The following WDR76 variants were observed in gnomAD, a reference collection of about 807,000 sequenced individuals.
WDR76 encodes the protein WD repeat-containing protein 76.
Under a neutral mutation model 70.2 loss-of-function variants are expected in WDR76, and 52 were observed. The ratio of observed to expected loss-of-function variants is 0.74; its 90% CI spans 0.59 to 0.93. WDR76 has a LOEUF of 0.93. Among genes scored for constraint, WDR76 ranks in the 40% least tolerant of loss-of-function variants. The probability of loss-of-function intolerance (pLI) is 0.00; values close to 1 mark genes in which losing one functional copy is unlikely to be tolerated. For missense variants in WDR76, 756 were observed against 760.2 expected (o/e 0.99, Z 0.07); for synonymous variants, 292 against 271.1 (o/e 1.08, Z -0.76).
intron 7 of WDR76, among the ~76,000 whole-genome samples, chr15:43,842,943 G>A (rs575784461): frequency 6.6e-6 from 1 of 150,832 alleles, no homozygotes; most frequent in Admixed American, 6.6e-5. Flanking sequence ...GAATAAATGA[G>A]TGAATCCACA....
In WDR76 at chr15:43,866,136, C is replaced by CT; in HGVS notation, c.1628dup (p.Thr544HisfsTer15). On this transcript the variant is annotated frameshift_variant, in exon 13 of 13. Coordinates refer to ENST00000263795, the MANE Select transcript of WDR76 (RefSeq NM_024908.4). LOFTEE classifies it high-confidence loss of function. ...ATTGTTTTCCTCACTAGGCACAACA[C>CT]TTTCACTGGGCGATGGCTGACCAGG... 1 of 1,614,158 alleles carries CT rather than the reference C, an allele frequency of 6.2e-7. No homozygotes were observed. Among genetic ancestry groups the CT allele is most frequent in the South Asian group, 1.1e-5 (1 of 91,080 alleles).
At chr15:43,846,921 CTGAGGCAGGAGATTTGCT>C (rs2087796114) in intron 8 of WDR76, among the ~76,000 whole-genome samples, 1 of 148,826 alleles carries the variant, frequency 6.7e-6, no homozygotes, top group South Asian at 2.1e-4. Context: ...ACTTGGGAGG[CTGAGGCAGGAGATTTGCT>C]TGAACACAGG....
chr15:43,862,284 T>TG (rs1438440122), intron 12 of WDR76, among the ~76,000 whole-genome samples: 1 of 146,022 alleles, frequency 6.8e-6, no homozygotes, highest in East Asian at 2.0e-4. Context: ...TTCTTTTTTT[T>TG]TTTTTTTTTT....
At chr15:43,827,778 C>T (rs1166850523) in intron 1 of WDR76, among the ~76,000 whole-genome samples, 187 bp from the exon 2 acceptor site, 3 of 152,166 alleles carry the variant, frequency 2.0e-5, no homozygotes, top group Non-Finnish European at 4.4e-5. Context: ...ATCTCCTGAC[C>T]TCGCGATCTG....
At chr15:43,829,795 C>T (rs890505038) in intron 2 of WDR76, among the ~76,000 whole-genome samples, 3 of 151,888 alleles carry the variant, frequency 2.0e-5, no homozygotes, top group African/African-American at 4.8e-5. Context: ...CGTGAGCCAC[C>T]GCGCCTGGCC....
intron 9 of WDR76, among the ~76,000 whole-genome samples, chr15:43,853,357 A>C (rs2087887378): frequency 2.0e-5 from 3 of 150,852 alleles, no homozygotes; most frequent in Admixed American, 2.0e-4. Flanking sequence ...TGCTTGGCTA[A>C]TTTTTGTATT....
At chr15:43,834,417 C>T (rs545999155) in intron 2 of WDR76, among the ~76,000 whole-genome samples, 4 of 151,564 alleles carry the variant, frequency 2.6e-5, no homozygotes, top group South Asian at 2.1e-4. Context: ...TTTCCTGCCC[C>T]GGCCTCCTGA....
At chr15:43,848,082 CA>C (rs56937893) in intron 8 of WDR76, among the ~76,000 whole-genome samples, 38 of 146,776 alleles carry the variant, frequency 2.6e-4, no homozygotes, top group Admixed American at 1.4e-3. Flanking sequence ...AACAAACAAA[CA>C]AAAAAAAAAC....
intron 7 of WDR76, among the ~76,000 whole-genome samples, 174 bp downstream of exon 7, chr15:43,842,845 G>T (rs934645320): frequency 3.3e-5 from 5 of 151,964 alleles, no homozygotes; most frequent in Non-Finnish European, 5.9e-5. Context: ...TAGGATATAA[G>T]CTTCATATAC....
chr15:43,834,783 A>T (rs2087634673), intron 2 of WDR76, among the ~76,000 whole-genome samples: 1 of 152,146 alleles, frequency 6.6e-6, no homozygotes, highest in African/African-American at 2.4e-5. Context: ...ATTAATTGCC[A>T]CTAGGAAATA....
At chr15:43,848,595 G>A (rs2087817192) in intron 8 of WDR76, among the ~76,000 whole-genome samples, 1 of 152,096 alleles carries the variant, frequency 6.6e-6, no homozygotes, top group South Asian at 2.1e-4. Flanking sequence ...GCCCACGGGA[G>A]TGGTAACACC....
intron 9 of WDR76, among the ~76,000 whole-genome samples, chr15:43,854,072 G>A (rs748642795): frequency 1.3e-5 from 2 of 152,144 alleles, no homozygotes; most frequent in Non-Finnish European, 2.9e-5. Context: ...CAATGATGTG[G>A]AAAAATTGAA....
At chr15:43,859,950 T>C (rs1479654666) in intron 11 of WDR76, among the ~76,000 whole-genome samples, 1 of 152,186 alleles carries the variant, frequency 6.6e-6, no homozygotes, top group African/African-American at 2.4e-5. Context: ...CCAACTGCTG[T>C]ATAAAAATTC....
Position 43,827,076 on chromosome 15 carries a change from A to G in WDR76, c.44A>G (p.Gln15Arg), listed in dbSNP as rs1273781405. 1 of 1,613,940 alleles carries G rather than the reference A, an allele frequency of 6.2e-7. No homozygotes were observed. Among genetic ancestry groups the G allele is most frequent in the African/African-American group, 1.3e-5 (1 of 74,934 alleles). ...GAAAEKADSR[Q>R]RPQMKVNEYK... ...GCGGCTGAGAAGGCGGACTCCAGACAGCGACCCCAGATGAAGGTGAGAAAC... is the reference window on the plus strand; with the variant it reads ...GCGGCTGAGAAGGCGGACTCCAGACGGCGACCCCAGATGAAGGTGAGAAAC... Residue 15 changes from glutamine to arginine, a missense_variant, in exon 1 of 13, where the codon CAG (glutamine) becomes CGG (arginine). Transcript: ENST00000263795.
chr15:43,827,880 A>T (rs1308619477), intron 1 of WDR76, 85 bp from the exon 2 acceptor site: 1 of 1,342,200 alleles, frequency 7.5e-7, no homozygotes, highest in Non-Finnish European at 1.0e-6. Flanking sequence ...GGAAATGGGA[A>T]TTATTAGATC....
intron 8 of WDR76, among the ~76,000 whole-genome samples, chr15:43,847,986 T>C (rs956594956): frequency 6.6e-6 from 1 of 151,878 alleles, no homozygotes; most frequent in African/African-American, 2.4e-5. Flanking sequence ...TCCAGGGCTT[T>C]GGGAAGTCAA....
intron 9 of WDR76, among the ~76,000 whole-genome samples, chr15:43,853,169 G>A (rs1224395637): frequency 6.6e-6 from 1 of 151,666 alleles, no homozygotes; most frequent in Non-Finnish European, 1.5e-5. Context: ...GATTACAGGT[G>A]TGAGCCACCA....
chr15:43,833,277 G>T (rs28564774), intron 2 of WDR76, among the ~76,000 whole-genome samples: 7 of 151,378 alleles, frequency 4.6e-5, no homozygotes, highest in Non-Finnish European at 8.8e-5. Context: ...TGATCCTCCT[G>T]CTTTGGTCTC....
chr15:43,842,112 T>C (rs2087732629), intron 5 of WDR76, among the ~76,000 whole-genome samples: 1 of 152,296 alleles, frequency 6.6e-6, no homozygotes, highest in Non-Finnish European at 1.5e-5. Flanking sequence ...GTGATCCGCC[T>C]GCCTCGGCCT....
Sources: gnomAD v4.1 joint callset for allele counts (sites outside exome capture counted in the v4.1 genomes callset) on GRCh38, gnomAD v4.1.1 for gene constraint, MANE v1.5 for transcripts, NCBI Gene and HGNC (gene_info 2026-07-23, HGNC 2026-07-21) for gene names.